SPOCK1: variants seen among roughly 807,000 people sequenced by gnomAD.
SPOCK1 encodes the protein SPARC (osteonectin), cwcv and kazal like domains proteoglycan 1, also known as testican-1.
In SPOCK1, 23 loss-of-function variants were observed where a neutral mutation model predicts 55.3. That is an observed-to-expected ratio of 0.42 (90% CI 0.30 to 0.59). The LOEUF (loss-of-function observed/expected upper bound fraction) is 0.59. SPOCK1 is among the 20% of genes least tolerant of loss of function. The pLI is 0.22. For synonymous variants in SPOCK1, 226 were observed against 221.0 expected (o/e 1.02, Z -0.20); for missense variants, 499 against 552.5 (o/e 0.90, Z 0.97).
At chr5:137,148,791 A>G (rs1020217420) in intron 3 of SPOCK1, among the ~76,000 whole-genome samples, 14 of 152,246 alleles carry the variant, frequency 9.2e-5, no homozygotes, top group African/African-American at 3.4e-4. Flanking sequence ...TTGTGGTCAC[A>G]CAGCCAGTGA....
chr5:137,137,009 G>A (rs1263100606), intron 4 of SPOCK1, among the ~76,000 whole-genome samples: 7 of 152,336 alleles, frequency 4.6e-5, no homozygotes, highest in African/African-American at 9.6e-5. Flanking sequence ...CTTGCCTGCC[G>A]GCCCTGACAC....
chr5:137,268,648 C>G lies in SPOCK1; in HGVS notation c.187-1593G>C, dbSNP rs1332275012. 3.3e-5 allele frequency among the ~76,000 whole-genome samples: 5 copies of G among 152,132 alleles called. No individual in the cohort carries two copies. In the South Asian group the frequency reaches 1.0e-3, roughly 32 times the overall value. On this transcript the variant is annotated intron_variant, in intron 2 of 10. Transcript: ENST00000394945. ...CAAAGTGTTCTTAGCCTTAGACAAC[C>G]ATGTTACCAACATTTTCTGCTATTC... is the stretch of plus-strand genomic sequence containing the variant.
intron 3 of SPOCK1, among the ~76,000 whole-genome samples, chr5:137,194,430 T>C (rs1446050782): frequency 6.6e-6 from 1 of 152,176 alleles, no homozygotes; most frequent in Non-Finnish European, 1.5e-5. Context: ...TGCAGCCTGT[T>C]AGCTGAACTG....
intron 6 of SPOCK1, among the ~76,000 whole-genome samples, chr5:137,018,878 T>C (rs1751505022): frequency 6.6e-6 from 1 of 152,136 alleles, no homozygotes. Flanking sequence ...ATATTCTTCA[T>C]ATATAAAAAG....
At chr5:137,120,469 T>C (rs1753665634) in intron 4 of SPOCK1, among the ~76,000 whole-genome samples, 1 of 152,202 alleles carries the variant, frequency 6.6e-6, no homozygotes, top group African/African-American at 2.4e-5. Flanking sequence ...GACTCCACGA[T>C]GTACCTCTCA....
intron 2 of SPOCK1, among the ~76,000 whole-genome samples, chr5:137,402,930 G>C (rs1363203805): frequency 1.3e-5 from 2 of 152,194 alleles, no homozygotes; most frequent in Non-Finnish European, 2.9e-5. Context: ...ATGGCTTACA[G>C]AGTTGTGAGA....
chr5:137,200,227 C>A (rs1755400196), intron 3 of SPOCK1, among the ~76,000 whole-genome samples: 1 of 152,226 alleles, frequency 6.6e-6, no homozygotes, highest in South Asian at 2.1e-4. Context: ...GCCAGATGCA[C>A]CCTTTTGGGC....
chr5:137,075,200 G>A (rs543345337), intron 5 of SPOCK1, among the ~76,000 whole-genome samples: 15 of 152,260 alleles, frequency 9.9e-5, no homozygotes, highest in Admixed American at 5.2e-4. Flanking sequence ...TCTGTACATT[G>A]AATAATTATT....
intron 2 of SPOCK1, among the ~76,000 whole-genome samples, chr5:137,476,942 G>A (rs151320523): frequency 6.6e-6 from 1 of 152,046 alleles, no homozygotes; most frequent in African/African-American, 2.4e-5. Context: ...AAAGTCTTAT[G>A]TATTCTTATT....
At position 137,090,297 on chromosome 5, in the gene SPOCK1, C is replaced by G. The variant is rs951053977; in HGVS notation, c.474+22138G>C. On this transcript the variant is annotated intron_variant, in intron 5 of 10. Transcript: ENST00000394945. ...GCTACGTAATTTCTAAACTTCCCACCAAGAGGCAATCAGCCAACAGACACA... is the reference window on the plus strand; with the variant it reads ...GCTACGTAATTTCTAAACTTCCCACGAAGAGGCAATCAGCCAACAGACACA... Among the ~76,000 whole-genome samples the G allele has an allele frequency of 3.3e-5, 5 of 152,186 alleles. 1 individual carries two copies.
intron 3 of SPOCK1, among the ~76,000 whole-genome samples, chr5:137,213,058 G>A (rs1755648388): frequency 6.6e-6 from 1 of 152,178 alleles, no homozygotes; most frequent in South Asian, 2.1e-4. Flanking sequence ...TCAGGAAGGA[G>A]AAAGCCCAAT....
At chr5:137,261,315 C>T (rs79310097) in intron 3 of SPOCK1, among the ~76,000 whole-genome samples, 1 of 152,160 alleles carries the variant, frequency 6.6e-6, no homozygotes, top group African/African-American at 2.4e-5. Context: ...CTTGACTCCC[C>T]AGACACCCTT....
intron 1 of SPOCK1, 108 bp from the exon 2 acceptor site, chr5:137,498,666 G>C: frequency 2.1e-6 from 2 of 967,034 alleles, no homozygotes; most frequent in Non-Finnish European, 2.6e-6. Context: ...CCCCGCGGCG[G>C]GCACGGGCAG....
At chr5:137,193,151 A>G (rs1755218142) in intron 3 of SPOCK1, among the ~76,000 whole-genome samples, 1 of 152,192 alleles carries the variant, frequency 6.6e-6, no homozygotes, top group Non-Finnish European at 1.5e-5. Context: ...GACTGGAAGA[A>G]GTATACCAAT....
At chr5:137,043,582 G>C (rs1467920938) in intron 6 of SPOCK1, among the ~76,000 whole-genome samples, 1 of 152,198 alleles carries the variant, frequency 6.6e-6, no homozygotes, top group Non-Finnish European at 1.5e-5. Context: ...ATATAGATAA[G>C]CATGTAATTA....
At chr5:137,180,839 C>A (rs1328061416) in intron 3 of SPOCK1, among the ~76,000 whole-genome samples, 1 of 152,136 alleles carries the variant, frequency 6.6e-6, no homozygotes, top group Admixed American at 6.6e-5. Context: ...CACAGAAAGG[C>A]CATGAAGGAG....
chr5:137,304,784 G>A (rs575983701), intron 2 of SPOCK1, among the ~76,000 whole-genome samples: 9 of 152,272 alleles, frequency 5.9e-5, no homozygotes, highest in South Asian at 2.1e-4. Context: ...AGGCTCTACC[G>A]TGAGTGGCTG....
intron 2 of SPOCK1, among the ~76,000 whole-genome samples, chr5:137,446,195 G>A (rs1355026851): frequency 6.6e-6 from 1 of 152,114 alleles, no homozygotes; most frequent in Non-Finnish European, 1.5e-5. Flanking sequence ...CAAATGATAT[G>A]GAAAAATAAT....
rs756155862 is a variant in SPOCK1 at position 136,978,615 on chromosome 5, C to T, written c.*39G>A. On this transcript the variant is annotated 3_prime_UTR_variant, in exon 11 of 11. Coordinates refer to ENST00000394945, the MANE Select transcript of SPOCK1 (RefSeq NM_004598.4). ...AAATGCAGGAATAGGAAGTGACTTG[C>T]AATTTTGTGCAAAACTTGTGTCCTC... is the stretch of plus-strand genomic sequence containing the variant. 1.5e-5 allele frequency: 23 copies of T among 1,554,060 alleles called. No individual in the cohort carries two copies. In the South Asian group the frequency reaches 2.8e-4, roughly 19 times the overall value.
Sources: gnomAD v4.1 joint callset for allele counts (sites outside exome capture counted in the v4.1 genomes callset) on GRCh38, gnomAD v4.1.1 for gene constraint, MANE v1.5 for transcripts, NCBI Gene and HGNC (gene_info 2026-07-23, HGNC 2026-07-21) for gene names.